Variants in SERPINB8 observed in about 807,000 individuals in gnomAD.
The protein encoded by SERPINB8 is serpin family B member 8, also known as serpin B8.
A neutral mutation model predicts 35.3 loss-of-function variants in SERPINB8; 25 were observed. The observed-to-expected ratio is 0.71, with a 90% confidence interval of 0.52 to 0.99. SERPINB8 has a LOEUF of 0.99. Among genes scored for constraint, SERPINB8 ranks in the 50% least tolerant of loss-of-function variants. The pLI, the probability that SERPINB8 is intolerant of heterozygous loss-of-function variation, is 0.00. For synonymous variants in SERPINB8, 186 were observed against 160.8 expected, an observed-to-expected ratio of 1.16 and a Z score of -1.19; for missense variants, 484 against 446.5, an observed-to-expected ratio of 1.08 and a Z score of -0.76.
At chr18:64,007,705 G>C (rs1288841518), downstream of SERPINB8, among the ~76,000 whole-genome samples, 1 of 152,170 alleles carries the variant, frequency 6.6e-6, no homozygotes, top group Non-Finnish European at 1.5e-5. Flanking sequence ...GAGAGAAAGG[G>C]AGAGGTGCTA....
In SERPINB8 at chr18:63,987,496, G is replaced by A. The variant is rs1325283738; in HGVS notation, c.*218G>A. ...GCCTGGGAAGGCTATGCTGGTTTTG[G>A]AGTGTTTGGGGTGCCTGCCATTGCC... On this transcript the variant is annotated 3_prime_UTR_variant, in exon 7 of 7. Transcript: ENST00000397985. 1.8e-6 allele frequency: 1 copy of A among 555,398 alleles called. No individual in the cohort carries two copies. Among genetic ancestry groups the A allele is most frequent in the Non-Finnish European group, 3.1e-6 (1 of 318,098 alleles). The allele number at this position is 555,398 out of a possible 1,614,324, so 34.4% of individuals were successfully genotyped here. A position where few individuals can be genotyped will look rare whatever the true frequency, so the allele number is the denominator to read the frequency against.
At chr18:63,993,123 A>AT (rs556471907), downstream of SERPINB8, among the ~76,000 whole-genome samples, 2 of 151,414 alleles carry the variant, frequency 1.3e-5, no homozygotes, top group Non-Finnish European at 2.9e-5. Flanking sequence ...CATTTTGGGT[A>AT]TTTTTTTAGT....
chr18:63,982,038 T>C (rs2050680503), intron 4 of SERPINB8, among the ~76,000 whole-genome samples, 200 bp downstream of exon 4: 1 of 152,148 alleles, frequency 6.6e-6, no homozygotes, highest in South Asian at 2.1e-4. Context: ...AAAACTAATG[T>C]TGAATCTCTG....
chr18:63,995,814 C>T (rs555588644), intron 1 of SERPINB8, among the ~76,000 whole-genome samples: 63 of 152,248 alleles, frequency 4.1e-4, no homozygotes, highest in African/African-American at 8.9e-4. Flanking sequence ...ATTGCAAAGA[C>T]GAATGAAAAC....
intron 1 of SERPINB8, among the ~76,000 whole-genome samples, chr18:63,974,194 A>G (rs1345321423): frequency 6.6e-6 from 1 of 152,128 alleles, no homozygotes; most frequent in Non-Finnish European, 1.5e-5. Context: ...AGCACTTTCA[A>G]AATTATCCTG....
rs747368322 is a variant in SERPINB8, at chr18:63,987,056, A to G, written c.903A>G (p.Gly301=). Reference sequence around the variant, plus strand: ...ACGAAGCCAAGGCAGACTTTTCTGGAATGTCAACTGAGAAGAATGTGCCTC... The same window carrying G: ...ACGAAGCCAAGGCAGACTTTTCTGGGATGTCAACTGAGAAGAATGTGCCTC... ...AFDEAKADFS[G]MSTEKNVPLS... Residue 301 remains glycine, a synonymous_variant, in exon 7 of 7, where the codon GGA becomes GGG. Transcript: ENST00000397985. 22 of 1,614,068 alleles carry G rather than the reference A, an allele frequency of 1.4e-5. No individual in the cohort carries two copies. The African/African-American group carries it at 2.7e-4, about 20-fold the overall frequency.
intron 1 of SERPINB8, among the ~76,000 whole-genome samples, chr18:64,004,473 A>G (rs761410170): frequency 6.6e-6 from 1 of 152,234 alleles, no homozygotes; most frequent in Non-Finnish European, 1.5e-5. Flanking sequence ...CAAATTGGCT[A>G]CTTCTAAAAT....
intron 3 of SERPINB8, 57 bp downstream of exon 3, chr18:63,979,995 A>G (rs1289585775): frequency 4.5e-6 from 7 of 1,550,314 alleles, no homozygotes; most frequent in Non-Finnish European, 5.3e-6. Context: ...AGACTACAGA[A>G]GAGCAGATAA....
chr18:63,978,219 C>A, intron 1 of SERPINB8, 80 bp from the exon 2 acceptor site: 1 of 1,489,242 alleles, frequency 6.7e-7, no homozygotes, highest in Non-Finnish European at 9.3e-7. Context: ...CCTCAGCGTC[C>A]ACTGACTGGG....
chr18:64,010,411 T>C (rs1435920380), downstream of SERPINB8, among the ~76,000 whole-genome samples: 1 of 152,144 alleles, frequency 6.6e-6, no homozygotes, highest in African/African-American at 2.4e-5. Context: ...AGCTCTTGCA[T>C]ATATGTTCAG....
intron 4 of SERPINB8, 26 bp downstream of exon 4, chr18:63,981,864 T>C: frequency 6.7e-7 from 1 of 1,503,714 alleles, no homozygotes; most frequent in Non-Finnish European, 9.2e-7. Context: ...TTCTGTTGAT[T>C]TGGAATTACT....
At chr18:64,003,548 TG>T (rs1330070758) in intron 1 of SERPINB8, among the ~76,000 whole-genome samples, 1 of 151,844 alleles carries the variant, frequency 6.6e-6, no homozygotes, top group East Asian at 1.9e-4. Context: ...TGTGTGTGTG[TG>T]TGTGTGTGTA....
At chr18:64,018,145 T>C (rs2144855082) in intron 7 of SERPINB8, among the ~76,000 whole-genome samples, 1 of 152,366 alleles carries the variant, frequency 6.6e-6, no homozygotes, top group Admixed American at 6.5e-5. Flanking sequence ...TTTAAAGAAG[T>C]ACTTTCAGGT....
At chr18:64,019,024 C>G (rs1446284673) in exon 8 of SERPINB8, 1 of 152,144 alleles carries the variant, frequency 6.6e-6, no homozygotes, top group Admixed American at 6.5e-5. Flanking sequence ...TGTGCTGGTA[C>G]AGATTTCATC....
At chr18:63,976,465 ATCTT>A (rs1277594064) in intron 1 of SERPINB8, among the ~76,000 whole-genome samples, 1 of 152,236 alleles carries the variant, frequency 6.6e-6, no homozygotes, top group African/African-American at 2.4e-5. Context: ...TAGGGATGCT[ATCTT>A]TCTTGATGAT....
intron 1 of SERPINB8, among the ~76,000 whole-genome samples, chr18:63,976,648 C>T (rs961350166): frequency 3.9e-5 from 6 of 152,174 alleles, no homozygotes; most frequent in African/African-American, 1.4e-4. Context: ...GGCCTAGAGG[C>T]AGGAGGAAGC....
At position 63,979,793 on chromosome 18, in the gene SERPINB8, G is replaced by C. The variant is rs1320218674; in HGVS notation, c.169-8G>C. 8 of 1,613,986 alleles carry C rather than the reference G, an allele frequency of 5.0e-6. No homozygotes were observed. Among genetic ancestry groups the C allele is most frequent in the Non-Finnish European group, 6.8e-6 (8 of 1,179,930 alleles). On this transcript the variant is annotated splice_polypyrimidine_tract_variant and splice_region_variant and intron_variant, in intron 2 of 6. Transcript: ENST00000397985. The stretch of plus-strand genomic sequence containing the variant: ...GCGTTAAAAGTCAGTGTTGGTTTCT[G>C]TTCCCAGGCACTTTGTTTATACAAA...
At chr18:63,986,739 G>T in intron 6 of SERPINB8, 135 bp from the exon 7 acceptor site, 1 of 1,404,242 alleles carries the variant, frequency 7.1e-7, no homozygotes, top group Non-Finnish European at 9.5e-7. Flanking sequence ...GTTTATAAAA[G>T]AAAATATCTG....
chr18:64,000,925 A>G (rs1485770802), intron 1 of SERPINB8, among the ~76,000 whole-genome samples: 1 of 152,194 alleles, frequency 6.6e-6, no homozygotes, highest in African/African-American at 2.4e-5. Flanking sequence ...GTTTTACTTC[A>G]TGTATTTCGA....
Sources: allele counts gnomAD v4.1 joint callset (sites outside exome capture counted in the v4.1 genomes callset), GRCh38; gene constraint gnomAD v4.1.1; transcripts MANE v1.5; gene names NCBI Gene and HGNC (gene_info 2026-07-23, HGNC 2026-07-21).